PTPRD: variants seen among roughly 807,000 people sequenced by gnomAD.
PTPRD encodes the protein protein tyrosine phosphatase receptor type D, also known as receptor-type tyrosine-protein phosphatase delta.
Under a neutral mutation model 214.5 loss-of-function variants are expected in PTPRD, and 34 were observed. That is an observed-to-expected ratio of 0.16 (90% confidence interval 0.12 to 0.21). The LOEUF (loss-of-function observed/expected upper bound fraction) is 0.21, where lower values mean the gene tolerates loss of function less well. Ranked by LOEUF, PTPRD falls within the 10% of genes least tolerant of loss-of-function variation. The pLI is 1.00. For missense variants in PTPRD, 2,545 were observed against 2,398.7 expected (o/e 1.06, Z -1.27); for synonymous variants, 1,128 against 845.7 (o/e 1.33, Z -5.79).
intron 3 of PTPRD, among the ~76,000 whole-genome samples, chr9:10,148,378 C>A (rs1448318332): frequency 6.6e-6 from 1 of 152,078 alleles, no homozygotes; most frequent in Non-Finnish European, 1.5e-5. Context: ...AGTGTTGGAA[C>A]AAAGACACAG....
chr9:10,195,098 A>ATTTTTTTTTTTTT (rs34900305), intron 3 of PTPRD, among the ~76,000 whole-genome samples: 459 of 97,830 alleles, frequency 4.7e-3, no homozygotes, highest in Non-Finnish European at 6.6e-3. Flanking sequence ...ATACCCGGCT[A>ATTTTTTTTTTTTT]TTTTTTTTTT....
chr9:9,434,901 T>C (rs371358654), intron 8 of PTPRD, among the ~76,000 whole-genome samples: 4 of 148,796 alleles, frequency 2.7e-5, no homozygotes, highest in East Asian at 3.9e-4. Flanking sequence ...AATATTCTTA[T>C]CAGATAGTTC....
At chr9:9,215,361 C>G (rs1460989478) in intron 9 of PTPRD, among the ~76,000 whole-genome samples, 1 of 152,168 alleles carries the variant, frequency 6.6e-6, no homozygotes, top group African/African-American at 2.4e-5. Context: ...CAGCCACTTA[C>G]TGAAAATTTC....
At chr9:9,753,054 A>G (rs898936608) in intron 6 of PTPRD, among the ~76,000 whole-genome samples, 11 of 152,220 alleles carry the variant, frequency 7.2e-5, no homozygotes, top group Middle Eastern at 3.4e-3. Context: ...GCTTTTAAGT[A>G]TGCATTGTGA....
chr9:9,282,932 T>C (rs1948222487), intron 9 of PTPRD, among the ~76,000 whole-genome samples: 1 of 151,464 alleles, frequency 6.6e-6, no homozygotes, highest in African/African-American at 2.4e-5. Flanking sequence ...TATGTTAGAT[T>C]ACACTATTCT....
chr9:8,353,344 T>C (rs2076018570), intron 39 of PTPRD, among the ~76,000 whole-genome samples: 1 of 152,178 alleles, frequency 6.6e-6, no homozygotes, highest in African/African-American at 2.4e-5. Flanking sequence ...AGGCCTGTTA[T>C]GGCTTCTGAT....
chr9:8,732,572 C>T (rs1225720050), intron 12 of PTPRD, among the ~76,000 whole-genome samples: 1 of 152,118 alleles, frequency 6.6e-6, no homozygotes, highest in Non-Finnish European at 1.5e-5. Flanking sequence ...GCATTAGACT[C>T]GAAATTCCTT....
At chr9:9,140,197 A>AAAAAAAG (rs2099857759) in intron 10 of PTPRD, among the ~76,000 whole-genome samples, 1 of 151,754 alleles carries the variant, frequency 6.6e-6, no homozygotes, top group Non-Finnish European at 1.5e-5. Flanking sequence ...CATGGAAAAA[A>AAAAAAAG]AAAAAGAAAA....
intron 2 of PTPRD, among the ~76,000 whole-genome samples, chr9:10,486,568 T>A (rs532663808): frequency 6.6e-6 from 1 of 152,256 alleles, no homozygotes; most frequent in East Asian, 1.9e-4. Context: ...TATTGGCCCA[T>A]TGGTAATTAA....
At chr9:9,008,680 G>A (rs2099493790) in intron 11 of PTPRD, among the ~76,000 whole-genome samples, 1 of 151,926 alleles carries the variant, frequency 6.6e-6, no homozygotes, top group Non-Finnish European at 1.5e-5. Context: ...TAGAATTCTG[G>A]GTTAAAATAT....
intron 5 of PTPRD, among the ~76,000 whole-genome samples, chr9:9,837,647 GC>G (rs2057159191): frequency 1.3e-5 from 2 of 152,102 alleles, no homozygotes; most frequent in Admixed American, 1.3e-4. Context: ...AATGTCAAAG[GC>G]CCTGCAGTGT....
intron 34 of PTPRD, among the ~76,000 whole-genome samples, chr9:8,442,866 C>A (rs571597227): frequency 2.4e-4 from 37 of 151,772 alleles, no homozygotes; most frequent in African/African-American, 9.0e-4. Flanking sequence ...AAAGAGTCAC[C>A]AACAGTGCTT....
chr9:9,034,658 A>G lies in PTPRD; in HGVS notation c.-142-15923T>C, dbSNP rs558104137. On this transcript the variant is annotated intron_variant, in intron 10 of 45. Transcript: ENST00000381196. ...TATGTAGTGGCTGCAGTGTAGTCAG[A>G]CTGTGGAGTCAGATTCACCCGTGTT... Among the ~76,000 whole-genome samples, 4 of 152,090 alleles carry G rather than the reference A, an allele frequency of 2.6e-5. No individual in the cohort carries two copies. In the East Asian group the frequency reaches 7.7e-4, roughly 29 times the overall value.
intron 36 of PTPRD, among the ~76,000 whole-genome samples, chr9:8,398,016 G>A (rs551846996): frequency 1.3e-5 from 2 of 152,154 alleles, no homozygotes; most frequent in East Asian, 3.9e-4. Flanking sequence ...AAGCACCAGT[G>A]TTTTCTTTTG....
At chr9:10,188,867 A>G (rs1022918880) in intron 3 of PTPRD, among the ~76,000 whole-genome samples, 2 of 152,164 alleles carry the variant, frequency 1.3e-5, no homozygotes, top group African/African-American at 2.4e-5. Context: ...ACAACCCCAC[A>G]ACTTGGAGCT....
intron 8 of PTPRD, among the ~76,000 whole-genome samples, chr9:9,451,365 CA>C (rs773979534): frequency 9.2e-5 from 14 of 151,756 alleles, no homozygotes; most frequent in East Asian, 5.8e-4. Flanking sequence ...AAAATTAAAA[CA>C]AAAAATGAAA....
intron 10 of PTPRD, among the ~76,000 whole-genome samples, chr9:9,096,734 C>A (rs1176830050): frequency 6.6e-6 from 1 of 152,050 alleles, no homozygotes; most frequent in African/African-American, 2.4e-5. Flanking sequence ...AAACACATTT[C>A]AATTAAATTA....
chr9:9,870,266 G>T (rs1057190041), intron 5 of PTPRD, among the ~76,000 whole-genome samples: 42 of 151,816 alleles, frequency 2.8e-4, no homozygotes, highest in African/African-American at 1.0e-3. Flanking sequence ...AAAGAATCTT[G>T]ATATAAAAAC....
At chr9:10,307,825 A>C (rs1192410317) in intron 3 of PTPRD, among the ~76,000 whole-genome samples, 1 of 151,902 alleles carries the variant, frequency 6.6e-6, no homozygotes, top group Non-Finnish European at 1.5e-5. Context: ...TGGTGATGCT[A>C]AACGCTTTTT....
Sources: gnomAD v4.1 joint callset for allele counts (sites outside exome capture counted in the v4.1 genomes callset) on GRCh38, gnomAD v4.1.1 for gene constraint, MANE v1.5 for transcripts, NCBI Gene and HGNC (gene_info 2026-07-23, HGNC 2026-07-21) for gene names.